ZPBP: variants seen among roughly 807,000 people sequenced by gnomAD.
The protein encoded by ZPBP is zona pellucida binding protein, also known as zona pellucida-binding protein 1.
ZPBP carries 26 observed loss-of-function variants against 44.8 expected under a neutral mutation model. The ratio of observed to expected loss-of-function variants is 0.58; its 90% CI spans 0.43 to 0.81. The LOEUF is 0.81. Ranked by LOEUF, ZPBP falls within the 30% of genes least tolerant of loss-of-function variation. ZPBP has a pLI of 0.00. For synonymous variants in ZPBP, 174 were observed against 153.2 expected (o/e 1.14, Z -1.00); for missense variants, 409 against 434.0 (o/e 0.94, Z 0.51).
At chr7:49,961,662 G>A (rs994961859) in intron 7 of ZPBP, among the ~76,000 whole-genome samples, 7 of 152,008 alleles carry the variant, frequency 4.6e-5, no homozygotes, top group Admixed American at 4.6e-4. Context: ...TTATTTTGTG[G>A]TTATCATGCA....
chr7:50,010,363 T>C (rs913835960), intron 6 of ZPBP, among the ~76,000 whole-genome samples: 1 of 151,890 alleles, frequency 6.6e-6, no homozygotes, highest in Non-Finnish European at 1.5e-5. Flanking sequence ...AGCTACTTAA[T>C]GGAGAAAAGA....
chr7:49,872,992 TA>T (rs893907749), intron 2 of ZPBP, among the ~76,000 whole-genome samples: 2 of 130,618 alleles, frequency 1.5e-5, no homozygotes, highest in African/African-American at 5.6e-5. Flanking sequence ...AAATAATTAA[TA>T]AAAAAATCTG....
chr7:49,969,131 A>G (rs936042740), intron 7 of ZPBP, among the ~76,000 whole-genome samples: 6 of 150,038 alleles, frequency 4.0e-5, no homozygotes, highest in Non-Finnish European at 8.9e-5. Context: ...TTAGTGATCT[A>G]TATTTATATA....
At chr7:49,853,909 C>T (rs1442074095) in intron 2 of ZPBP, among the ~76,000 whole-genome samples, 4 of 145,738 alleles carry the variant, frequency 2.7e-5, no homozygotes, top group Non-Finnish European at 6.0e-5. Context: ...GTTCCCCTTC[C>T]TGTGTCCAAA....
At chr7:49,849,688 T>A (rs1427163426), downstream of ZPBP, among the ~76,000 whole-genome samples, 1 of 152,222 alleles carries the variant, frequency 6.6e-6, no homozygotes, top group Non-Finnish European at 1.5e-5. Flanking sequence ...TAGTGCCCTA[T>A]TTATTTCAGG....
intron 5 of ZPBP, among the ~76,000 whole-genome samples, chr7:50,030,095 T>A (rs1732750711): frequency 6.6e-6 from 1 of 152,182 alleles, no homozygotes; most frequent in African/African-American, 2.4e-5. Flanking sequence ...CCTCAAGTCA[T>A]CCACCTGCCT....
chr7:50,084,888 A>G (rs998266440), intron 2 of ZPBP, among the ~76,000 whole-genome samples: 7 of 152,054 alleles, frequency 4.6e-5, no homozygotes, highest in African/African-American at 1.7e-4. Flanking sequence ...AAATTATCAG[A>G]AAAAACATTT....
chr7:50,084,892 A>C (rs189557350), intron 2 of ZPBP, among the ~76,000 whole-genome samples: 14 of 152,180 alleles, frequency 9.2e-5, no homozygotes, highest in Non-Finnish European at 1.8e-4. Context: ...TATCAGAAAA[A>C]ACATTTCCAG....
chr7:49,931,815 G>GA (rs1483324123), intron 1 of ZPBP, among the ~76,000 whole-genome samples: 1 of 152,156 alleles, frequency 6.6e-6, no homozygotes, highest in African/African-American at 2.4e-5. Context: ...GGCCTAGGAG[G>GA]AAAAAATGGT....
intron 4 of ZPBP, among the ~76,000 whole-genome samples, chr7:50,031,995 C>T (rs968240803): frequency 2.0e-5 from 3 of 152,166 alleles, no homozygotes; most frequent in Admixed American, 6.5e-5. Flanking sequence ...ACAAGGGAGA[C>T]TTCCCTGCCT....
In ZPBP at chr7:50,074,732, C is replaced by T. The variant is rs376348853; in HGVS notation, c.334+7042G>A. 5.3e-5 allele frequency among the ~76,000 whole-genome samples: 8 copies of T among 151,684 alleles called. 1 individual carries two copies. In the South Asian group the frequency reaches 8.3e-4, roughly 16 times the overall value. On this transcript the variant is annotated intron_variant, in intron 3 of 7. Transcript: ENST00000046087. ...CAAGAGAATATGACAATTATAAATA[C>T]GTATACACCCAACATGGGAGCACTC... is the stretch of plus-strand genomic sequence containing the variant.
intron 1 of ZPBP, chr7:49,919,129 G>A (rs1229096935): frequency 6.6e-6 from 1 of 151,806 alleles, no homozygotes; most frequent in Non-Finnish European, 1.5e-5. Context: ...ATGGGGCACA[G>A]TCAGGACTGG....
At chr7:49,985,656 AAAAAC>A (rs1562824611) in intron 6 of ZPBP, among the ~76,000 whole-genome samples, 1 of 149,228 alleles carries the variant, frequency 6.7e-6, no homozygotes, top group Non-Finnish European at 1.5e-5. Flanking sequence ...AAAAAAAAAA[AAAAAC>A]CTAAATGAAG....
intron 3 of ZPBP, among the ~76,000 whole-genome samples, chr7:50,066,855 G>A (rs1801529196): frequency 6.6e-6 from 1 of 152,106 alleles, no homozygotes. Flanking sequence ...CCAGTGGCTG[G>A]GTTTCACTGT....
At chr7:50,084,337 TCTG>T in intron 2 of ZPBP, among the ~76,000 whole-genome samples, 1 of 144,252 alleles carries the variant, frequency 6.9e-6, no homozygotes. Context: ...CCAGAAAACT[TCTG>T]AACATGTACC....
chr7:50,032,912 A>G (rs148239946), intron 4 of ZPBP, among the ~76,000 whole-genome samples: 1 of 152,244 alleles, frequency 6.6e-6, no homozygotes, highest in Non-Finnish European at 1.5e-5. Context: ...CATCACTGAG[A>G]TAATACAATT....
intron 4 of ZPBP, among the ~76,000 whole-genome samples, chr7:50,043,323 A>T (rs1204218987): frequency 6.6e-6 from 1 of 151,906 alleles, no homozygotes; most frequent in East Asian, 1.9e-4. Context: ...CCCACTCCAC[A>T]CTCTATATTT....
chr7:49,915,162 C>T (rs1793649652), intron 1 of ZPBP: 1 of 152,156 alleles, frequency 6.6e-6, no homozygotes, highest in Admixed American at 6.5e-5. Flanking sequence ...TTTTTATTGA[C>T]ATTTCCCAGA....
At chr7:50,031,020 GTAAT>G (rs1799581754) in intron 5 of ZPBP, 68 bp downstream of exon 5, 3 of 1,299,562 alleles carry the variant, frequency 2.3e-6, no homozygotes, top group Non-Finnish European at 3.3e-6. Context: ...AATGCTGTGA[GTAAT>G]TAACAACTTT....
Sources: allele counts gnomAD v4.1 joint callset (sites outside exome capture counted in the v4.1 genomes callset), GRCh38; gene constraint gnomAD v4.1.1; transcripts MANE v1.5; gene names NCBI Gene and HGNC (gene_info 2026-07-23, HGNC 2026-07-21).